CYP7B1: variants seen among roughly 807,000 people sequenced by gnomAD.
CYP7B1 encodes cytochrome P450 family 7 subfamily B member 1, also known as cytochrome P450 7B1.
CYP7B1 carries 29 observed loss-of-function variants against 42.7 expected under a neutral mutation model. That is an observed-to-expected ratio of 0.68 (90% CI 0.51 to 0.93). CYP7B1 has a LOEUF of 0.93. Ranked by LOEUF, CYP7B1 falls within the 40% of genes least tolerant of loss-of-function variation. The pLI is 0.00. For synonymous variants in CYP7B1, 235 were observed against 218.2 expected, an observed-to-expected ratio of 1.08 and a Z score of -0.68; for missense variants, 655 against 600.5, an observed-to-expected ratio of 1.09 and a Z score of -0.95.
intron 1 of CYP7B1, among the ~76,000 whole-genome samples, chr8:64,667,659 T>C (rs1191421540): frequency 6.6e-6 from 1 of 152,186 alleles, no homozygotes; most frequent in Non-Finnish European, 1.5e-5. Flanking sequence ...TAGGTATCAG[T>C]TGGGTACCTT....
intron 1 of CYP7B1, among the ~76,000 whole-genome samples, chr8:64,651,477 C>A (rs1806037869): frequency 6.6e-6 from 1 of 152,218 alleles, no homozygotes. Flanking sequence ...CCTGGTTTCA[C>A]CATCTACTCA....
chr8:64,696,879 T>A (rs1806836793), intron 1 of CYP7B1, among the ~76,000 whole-genome samples: 1 of 152,236 alleles, frequency 6.6e-6, no homozygotes, highest in Non-Finnish European at 1.5e-5. Context: ...CTGGTCTGAA[T>A]GCTCTCTCAG....
Position 64,742,429 on chromosome 8 carries a change from A to T in CYP7B1, c.122+56037T>A, listed in dbSNP as rs527754285. Among the ~76,000 whole-genome samples, 6 of 152,238 alleles carry T rather than the reference A, an allele frequency of 3.9e-5. No individual in the cohort carries two copies. The South Asian group carries it at 1.2e-3, about 32-fold the overall frequency. ...TTTGCAAAACTTTCTGTTTTGATGG[A>T]TTTATTAATAAGAAAAAAAAGACCA... is the stretch of plus-strand genomic sequence containing the variant. On this transcript the variant is annotated intron_variant, in intron 1 of 5. Transcript: ENST00000310193.
intron 1 of CYP7B1, among the ~76,000 whole-genome samples, chr8:64,677,706 GTTTTTTTTTTTTT>G (rs11435388): frequency 1.2e-5 from 1 of 86,400 alleles, no homozygotes; most frequent in Non-Finnish European, 2.1e-5. Context: ...ACACTCCTTG[GTTTTTTTTTTTTT>G]TTTTTTTTTT....
chr8:64,686,100 G>T (rs1303925250), intron 1 of CYP7B1, among the ~76,000 whole-genome samples: 14 of 115,710 alleles, frequency 1.2e-4, no homozygotes, highest in South Asian at 3.0e-4. Context: ...CGGGAGGGAG[G>T]TGGGGGGGTC....
intron 1 of CYP7B1, among the ~76,000 whole-genome samples, chr8:64,723,278 A>G (rs1807272937): frequency 6.6e-6 from 1 of 152,180 alleles, no homozygotes; most frequent in Non-Finnish European, 1.5e-5. Flanking sequence ...ACAAGATAAA[A>G]TCAGTAGCAG....
chr8:64,753,609 C>T (rs1179121855), intron 1 of CYP7B1, among the ~76,000 whole-genome samples: 3 of 152,172 alleles, frequency 2.0e-5, no homozygotes, highest in Non-Finnish European at 2.9e-5. Flanking sequence ...GTGAAATAGA[C>T]AAGACTCTCG....
At chr8:64,789,716 A>G (rs1804587738) in intron 1 of CYP7B1, among the ~76,000 whole-genome samples, 1 of 152,218 alleles carries the variant, frequency 6.6e-6, no homozygotes, top group Non-Finnish European at 1.5e-5. Context: ...CACTACAAAG[A>G]ATCATCCAGC....
At chr8:64,599,745 A>T (rs1304959936) in intron 5 of CYP7B1, among the ~76,000 whole-genome samples, 1 of 152,218 alleles carries the variant, frequency 6.6e-6, no homozygotes, top group East Asian at 1.9e-4. Flanking sequence ...CAATCTGGTG[A>T]GTGCTACAAG....
intron 5 of CYP7B1, among the ~76,000 whole-genome samples, chr8:64,601,050 T>C (rs1198795466): frequency 6.6e-6 from 1 of 152,230 alleles, no homozygotes; most frequent in East Asian, 1.9e-4. Context: ...CATTTTGCAA[T>C]ACAGATAAAA....
downstream of CYP7B1, among the ~76,000 whole-genome samples, chr8:64,587,554 G>C (rs968574002): frequency 6.6e-6 from 1 of 152,192 alleles, no homozygotes; most frequent in Non-Finnish European, 1.5e-5. Context: ...AAGCGCCCCG[G>C]TTTTAAACCC....
At chr8:64,626,892 C>G (rs547413306) in intron 1 of CYP7B1, among the ~76,000 whole-genome samples, 4 of 152,282 alleles carry the variant, frequency 2.6e-5, no homozygotes, top group African/African-American at 9.6e-5. Flanking sequence ...AATCAAAGAT[C>G]AAGATTATGA....
intron 1 of CYP7B1, among the ~76,000 whole-genome samples, chr8:64,678,233 G>C (rs777357922): frequency 4.6e-5 from 7 of 151,888 alleles, no homozygotes; most frequent in Non-Finnish European, 8.8e-5. Context: ...GGAGATCCTG[G>C]GTATGTTATA....
chr8:64,688,098 T>G (rs1806683341), intron 1 of CYP7B1, among the ~76,000 whole-genome samples: 1 of 152,236 alleles, frequency 6.6e-6, no homozygotes, highest in Admixed American at 6.5e-5. Flanking sequence ...CACATATGTT[T>G]CAGCATAAAA....
chr8:64,586,968 A>T (rs1804976243), downstream of CYP7B1, among the ~76,000 whole-genome samples: 1 of 152,194 alleles, frequency 6.6e-6, no homozygotes, highest in Admixed American at 6.5e-5. Context: ...AGGAGTCAGT[A>T]ACTTCAGTTT....
intron 1 of CYP7B1, among the ~76,000 whole-genome samples, chr8:64,699,659 A>AT (rs1477603627): frequency 6.6e-6 from 1 of 152,082 alleles, no homozygotes. Context: ...GTTTTGTTCC[A>AT]TTTTTTGCTT....
intron 1 of CYP7B1, among the ~76,000 whole-genome samples, chr8:64,668,791 A>G (rs1173410359): frequency 6.6e-6 from 1 of 151,838 alleles, no homozygotes; most frequent in African/African-American, 2.4e-5. Flanking sequence ...CTGTCAATTT[A>G]AATCAAGGGG....
intron 1 of CYP7B1, among the ~76,000 whole-genome samples, chr8:64,712,432 G>T (rs1240492487): frequency 6.6e-6 from 1 of 151,712 alleles, no homozygotes; most frequent in Non-Finnish European, 1.5e-5. Flanking sequence ...CTTGAGAGTG[G>T]GAAGATAAAC....
chr8:64,797,939 A>G (rs1804730963), intron 1 of CYP7B1, among the ~76,000 whole-genome samples: 1 of 152,216 alleles, frequency 6.6e-6, no homozygotes, highest in African/African-American at 2.4e-5. Context: ...AATACTCTCC[A>G]TTAACTCATT....
Sources: gnomAD v4.1 joint callset for allele counts (sites outside exome capture counted in the v4.1 genomes callset) on GRCh38, gnomAD v4.1.1 for gene constraint, MANE v1.5 for transcripts, NCBI Gene and HGNC (gene_info 2026-07-23, HGNC 2026-07-21) for gene names.